Variants in FARS2 observed in about 807,000 individuals in gnomAD.
FARS2 encodes phenylalanine--tRNA ligase, mitochondrial.
A neutral mutation model predicts 46.4 loss-of-function variants in FARS2; 40 were observed. The ratio of observed to expected loss-of-function variants is 0.86; its 90% CI spans 0.67 to 1.12. The LOEUF (loss-of-function observed/expected upper bound fraction) is 1.12, where lower values mean the gene tolerates loss of function less well. FARS2 is among the 50% of genes most tolerant of loss of function. The pLI, the probability that FARS2 is intolerant of heterozygous loss-of-function variation, is 0.00. For synonymous variants in FARS2, 234 were observed against 214.9 expected (o/e 1.09, Z -0.78); for missense variants, 513 against 567.9 (o/e 0.90, Z 0.98).
intron 6 of FARS2, among the ~76,000 whole-genome samples, chr6:5,713,960 T>C (rs559528607): frequency 4.6e-5 from 7 of 152,190 alleles, no homozygotes; most frequent in Non-Finnish European, 7.3e-5. Context: ...TTGATACATA[T>C]AGTACAACAA....
intron 1 of FARS2, among the ~76,000 whole-genome samples, chr6:5,277,303 G>A (rs577993881): frequency 2.0e-5 from 3 of 151,848 alleles, no homozygotes; most frequent in African/African-American, 4.8e-5. Flanking sequence ...AAATAAAGTA[G>A]CAGCTTAGAA....
chr6:5,397,552 A>G (rs1400179656), intron 2 of FARS2, among the ~76,000 whole-genome samples: 1 of 152,232 alleles, frequency 6.6e-6, no homozygotes, highest in Non-Finnish European at 1.5e-5. Flanking sequence ...AGGAGGAATT[A>G]TATGGGATAT....
At position 5,539,382 on chromosome 6, in the gene FARS2, G is replaced by GTGTATATATATATATA. The variant is rs1561696404; in HGVS notation, c.905-5788_905-5773dup. 3.2e-5 allele frequency among the ~76,000 whole-genome samples: 2 copies of GTGTATATATATATATA among 61,772 alleles called. 1 individual carries two copies. The highest frequency in any genetic ancestry group is 2.4e-4 in the African/African-American group (2 of 8,324). The allele number at this position is 61,772 out of a possible 152,430, so 40.5% of individuals were successfully genotyped here. A position where few individuals can be genotyped will look rare whatever the true frequency, so the allele number is the denominator to read the frequency against. Reference sequence around the variant, plus strand: ...CCACCATGCCCACCTAATTTTTTTTGTGTATATATATATATATGTATATAT... The same window carrying GTGTATATATATATATA: ...CCACCATGCCCACCTAATTTTTTTTGTGTATATATATATATATGTATATATATATATATGTATATAT... On this transcript the variant is annotated intron_variant, in intron 4 of 6. Coordinates refer to ENST00000274680, the MANE Select transcript of FARS2 (RefSeq NM_006567.5).
chr6:5,738,388 A>T (rs1468376298), intron 6 of FARS2, among the ~76,000 whole-genome samples: 1 of 152,258 alleles, frequency 6.6e-6, no homozygotes, highest in Non-Finnish European at 1.5e-5. Flanking sequence ...ACAGAACCCT[A>T]AAAGATGTAT....
intron 6 of FARS2, among the ~76,000 whole-genome samples, chr6:5,751,269 C>G (rs1761930514): frequency 6.6e-6 from 1 of 152,186 alleles, no homozygotes; most frequent in African/African-American, 2.4e-5. Context: ...TCTGGGCTTT[C>G]CATCTACTTT....
intron 6 of FARS2, among the ~76,000 whole-genome samples, chr6:5,728,454 G>T (rs921841022): frequency 6.6e-6 from 1 of 152,132 alleles, no homozygotes; most frequent in African/African-American, 2.4e-5. Flanking sequence ...TGACAGGGAG[G>T]GGGTGAGGAG....
chr6:5,715,968 A>G (rs1239990954), intron 6 of FARS2, among the ~76,000 whole-genome samples: 2 of 152,136 alleles, frequency 1.3e-5, no homozygotes, highest in Non-Finnish European at 2.9e-5. Context: ...ATCCTCACCA[A>G]CACTTGTTAT....
At chr6:5,500,436 G>A (rs1034932547) in intron 4 of FARS2, among the ~76,000 whole-genome samples, 5 of 152,232 alleles carry the variant, frequency 3.3e-5, no homozygotes, top group Non-Finnish European at 5.9e-5. Context: ...CACCACATTA[G>A]TAAGCATCTC....
chr6:5,294,496 A>G (rs1767719083), intron 1 of FARS2, among the ~76,000 whole-genome samples: 2 of 151,968 alleles, frequency 1.3e-5, no homozygotes, highest in Non-Finnish European at 2.9e-5. Flanking sequence ...TTCAGTTCTG[A>G]CACTCTCTAC....
At chr6:5,569,335 C>A in intron 5 of FARS2, among the ~76,000 whole-genome samples, 1 of 151,406 alleles carries the variant, frequency 6.6e-6, no homozygotes, top group East Asian at 1.9e-4. Flanking sequence ...CAACTGGGCT[C>A]GGTCGATCCT....
intron 4 of FARS2, among the ~76,000 whole-genome samples, chr6:5,506,843 C>T (rs1227800026): frequency 1.3e-5 from 2 of 152,184 alleles, no homozygotes; most frequent in Admixed American, 1.3e-4. Flanking sequence ...GGAAATCTGA[C>T]TATAACAGTA....
In FARS2 at chr6:5,297,380, G is replaced by T. The variant is rs531565722; in HGVS notation, c.-22+35720G>T. 2.6e-5 allele frequency among the ~76,000 whole-genome samples: 4 copies of T among 152,326 alleles called. No homozygotes were observed. In the South Asian group the frequency reaches 8.3e-4, roughly 32 times the overall value. The stretch of plus-strand genomic sequence containing the variant: ...AAACTAATTTTGGCCTGGCGCAGTG[G>T]CTCACGCCTGTAATCCCAGCACTTT... On this transcript the variant is annotated intron_variant, in intron 1 of 6. Transcript: ENST00000274680.
At chr6:5,421,871 C>A (rs1582057218) in intron 3 of FARS2, among the ~76,000 whole-genome samples, 1 of 152,330 alleles carries the variant, frequency 6.6e-6, no homozygotes, top group East Asian at 1.9e-4. Context: ...CCACATTTTT[C>A]TGTTTTCTTC....
chr6:5,537,040 C>G (rs1033510513), intron 4 of FARS2, among the ~76,000 whole-genome samples: 1 of 152,104 alleles, frequency 6.6e-6, no homozygotes, highest in Admixed American at 6.5e-5. Flanking sequence ...TAAAGGTACC[C>G]TTTTTTTCTG....
At chr6:5,739,412 G>T (rs1266448162) in intron 6 of FARS2, among the ~76,000 whole-genome samples, 1 of 151,996 alleles carries the variant, frequency 6.6e-6, no homozygotes, top group Non-Finnish European at 1.5e-5. Context: ...GGCAAAGTTG[G>T]AACACCTGCC....
chr6:5,762,699 C>T (rs1762540152), intron 6 of FARS2, among the ~76,000 whole-genome samples: 1 of 152,246 alleles, frequency 6.6e-6, no homozygotes, highest in African/African-American at 2.4e-5. Flanking sequence ...GAGGCCCTCT[C>T]TCTCTCTGCC....
chr6:5,708,332 T>A (rs9405864), intron 6 of FARS2, among the ~76,000 whole-genome samples: 61,287 of 151,930 alleles, frequency 0.4, 13,034 homozygotes, highest in East Asian at 0.83. Flanking sequence ...ATCATTTCAC[T>A]CTCTTATCAG....
At chr6:5,745,810 G>T (rs756746109) in intron 6 of FARS2, among the ~76,000 whole-genome samples, 1 of 152,196 alleles carries the variant, frequency 6.6e-6, no homozygotes, top group Non-Finnish European at 1.5e-5. Context: ...AAAATGCTGG[G>T]ATTACAGGTG....
At chr6:5,584,108 G>GACACACACACACACACACACAT (rs1773483876) in intron 5 of FARS2, among the ~76,000 whole-genome samples, 2 of 122,882 alleles carry the variant, frequency 1.6e-5, no homozygotes, top group Non-Finnish European at 3.2e-5. Flanking sequence ...TTCTCTCTCT[G>GACACACACACACACACACACAT]ACACACACAC....
Sources: gnomAD v4.1 joint callset for allele counts (sites outside exome capture counted in the v4.1 genomes callset) on GRCh38, gnomAD v4.1.1 for gene constraint, MANE v1.5 for transcripts, NCBI Gene and HGNC (gene_info 2026-07-23, HGNC 2026-07-21) for gene names.